Variants in AMD1 observed in about 807,000 individuals in gnomAD.
AMD1 encodes adenosylmethionine decarboxylase 1, also known as S-adenosylmethionine decarboxylase proenzyme.
A neutral mutation model predicts 40.2 loss-of-function variants in AMD1; 11 were observed. The observed-to-expected ratio is 0.27, with a 90% CI of 0.17 to 0.45. AMD1 has a LOEUF of 0.45. AMD1 is among the 20% of genes least tolerant of loss of function. AMD1 has a pLI of 1.00. For missense variants in AMD1, 257 were observed against 410.2 expected (o/e 0.63, Z 3.23); for synonymous variants, 121 against 130.8 (o/e 0.93, Z 0.51).
intron 4 of AMD1, chr6:110,890,872 A>G (rs1785977912): frequency 1.3e-5 from 2 of 152,248 alleles, no homozygotes; most frequent in Non-Finnish European, 1.5e-5. Context: ...GAATTTATAA[A>G]GAACATTAAA....
the AMD1 span, among the ~76,000 whole-genome samples, chr6:110,843,382 A>G: frequency 6.7e-6 from 1 of 148,384 alleles, no homozygotes; most frequent in Non-Finnish European, 1.5e-5. Flanking sequence ...GAGAATCGCT[A>G]GAACCGAGGA....
the AMD1 span, among the ~76,000 whole-genome samples, chr6:110,868,354 T>C: frequency 6.6e-6 from 1 of 152,024 alleles, no homozygotes; most frequent in Non-Finnish European, 1.5e-5. Flanking sequence ...TTCAACCTTT[T>C]TAGCTAGAGT....
the AMD1 span, among the ~76,000 whole-genome samples, chr6:110,857,676 C>CATATATATATATATACAGATGGCAT: frequency 1.5e-5 from 2 of 134,970 alleles, no homozygotes; most frequent in Non-Finnish European, 3.1e-5. Flanking sequence ...ATACAGATGG[C>CATATATATATATATACAGATGGCAT]ATATATATAT....
chr6:110,860,808 A>C, the AMD1 span, among the ~76,000 whole-genome samples: 1 of 149,304 alleles, frequency 6.7e-6, no homozygotes, highest in East Asian at 2.0e-4. Flanking sequence ...TCAGAAAAAA[A>C]ACAAAAACAA....
the AMD1 span, among the ~76,000 whole-genome samples, chr6:110,851,186 G>A: frequency 6.6e-6 from 1 of 151,964 alleles, no homozygotes; most frequent in African/African-American, 2.4e-5. Flanking sequence ...GGGTGGTCTT[G>A]AACTCCTGAC....
chr6:110,832,821 A>T, the AMD1 span, among the ~76,000 whole-genome samples: 1 of 151,758 alleles, frequency 6.6e-6, no homozygotes, highest in African/African-American at 2.4e-5. Flanking sequence ...TTTGTTTTTT[A>T]GGTTTTGTTT....
chr6:110,879,983 ACAGTCT>A (rs1785315633), intron 1 of AMD1, among the ~76,000 whole-genome samples: 1 of 148,096 alleles, frequency 6.8e-6, no homozygotes, highest in South Asian at 2.1e-4. Context: ...TTTTTTTTGG[ACAGTCT>A]CAGTCACCCA....
the AMD1 span, among the ~76,000 whole-genome samples, chr6:110,855,575 G>C: frequency 6.6e-6 from 1 of 152,142 alleles, no homozygotes; most frequent in South Asian, 2.1e-4. Flanking sequence ...CTAGAAGGAT[G>C]CAGGTGTCTC....
the AMD1 span, chr6:110,815,241 T>TCGCGCGCG: frequency 5.2e-5 from 59 of 1,130,406 alleles, no homozygotes; most frequent in African/African-American, 8.0e-4. Flanking sequence ...CAGCCGCCTC[T>TCGCGCGCG]CGCGCGCGCG....
At chr6:110,858,186 C>T in the AMD1 span, 1 of 659,330 alleles carries the variant, frequency 1.5e-6, no homozygotes, top group South Asian at 1.6e-5. Flanking sequence ...AGCCCCGCGC[C>T]TGCCAGGCCG....
the AMD1 span, chr6:110,815,727 A>G: frequency 6.6e-6 from 1 of 152,532 alleles, no homozygotes; most frequent in Non-Finnish European, 1.5e-5. Context: ...CACTGGAAAG[A>G]AGTGCCTTAC....
chr6:110,873,237 A>G (rs556747319), upstream of AMD1, among the ~76,000 whole-genome samples: 1 of 152,248 alleles, frequency 6.6e-6, no homozygotes, highest in African/African-American at 2.4e-5. Flanking sequence ...GTTGGCATGC[A>G]CCTGTAATCC....
At chr6:110,877,745 A>G (rs1371710862) in intron 1 of AMD1, among the ~76,000 whole-genome samples, 2 of 152,230 alleles carry the variant, frequency 1.3e-5, no homozygotes, top group Non-Finnish European at 2.9e-5. Context: ...GGATCCCTCT[A>G]TAGCCCAGGC....
intron 1 of AMD1, among the ~76,000 whole-genome samples, chr6:110,886,889 T>G (rs996704906): frequency 2.0e-5 from 3 of 152,256 alleles, no homozygotes; most frequent in Non-Finnish European, 4.4e-5. Flanking sequence ...AAATTAAGAC[T>G]AGTTTCTTCA....
chr6:110,875,815 T>G (rs1302193522), intron 1 of AMD1, among the ~76,000 whole-genome samples: 2 of 152,008 alleles, frequency 1.3e-5, no homozygotes, highest in African/African-American at 4.8e-5. Context: ...CGGCGGGGAT[T>G]GGGCGGGAGC....
At chr6:110,839,973 G>A in the AMD1 span, among the ~76,000 whole-genome samples, 1 of 150,942 alleles carries the variant, frequency 6.6e-6, no homozygotes, top group African/African-American at 2.4e-5. Context: ...CCCCATATAA[G>A]GCTGTTATAC....
chr6:110,877,177 T>G (rs1272516085), intron 1 of AMD1, among the ~76,000 whole-genome samples: 1 of 151,978 alleles, frequency 6.6e-6, no homozygotes, highest in East Asian at 1.9e-4. Flanking sequence ...GATGATTTAG[T>G]GCCATCCATT....
the AMD1 span, among the ~76,000 whole-genome samples, chr6:110,817,071 A>T: frequency 1.3e-5 from 2 of 152,216 alleles, no homozygotes; most frequent in African/African-American, 2.4e-5. Context: ...CCTCCCCTGT[A>T]ATGGTGAGCC....
the AMD1 span, among the ~76,000 whole-genome samples, chr6:110,868,000 A>T: frequency 2.0e-5 from 3 of 152,016 alleles, no homozygotes; most frequent in Non-Finnish European, 2.9e-5. Flanking sequence ...TTATTTATTT[A>T]TTGTTTGTAG....
Sources: gnomAD v4.1 joint callset for allele counts (sites outside exome capture counted in the v4.1 genomes callset) on GRCh38, gnomAD v4.1.1 for gene constraint, MANE v1.5 for transcripts, NCBI Gene and HGNC (gene_info 2026-07-23, HGNC 2026-07-21) for gene names.